Variants in AFF3 observed in about 807,000 individuals in gnomAD.
AFF3 encodes the protein AF4/FMR2 family member 3.
AFF3 carries 32 observed loss-of-function variants against 129.7 expected under a neutral mutation model. That is an observed-to-expected ratio of 0.25 (90% CI 0.19 to 0.33). The LOEUF (loss-of-function observed/expected upper bound fraction) is 0.33. Among genes scored for constraint, AFF3 ranks in the 10% least tolerant of loss-of-function variants. The probability of loss-of-function intolerance (pLI) is 1.00; values close to 1 mark genes in which losing one functional copy is unlikely to be tolerated. For synonymous variants in AFF3, 644 were observed against 635.4 expected (o/e 1.01, Z -0.20); for missense variants, 1,373 against 1,592.0 (o/e 0.86, Z 2.34).
At chr2:100,061,854 TG>T (rs869209436) in intron 4 of AFF3, among the ~76,000 whole-genome samples, 2 of 75,722 alleles carry the variant, frequency 2.6e-5, no homozygotes, top group Admixed American at 1.2e-4. Context: ...GGTAGCACAG[TG>T]GAGGGGGGGG....
chr2:99,805,419 G>A (rs1053023823), intron 8 of AFF3, among the ~76,000 whole-genome samples: 1 of 152,120 alleles, frequency 6.6e-6, no homozygotes, highest in Non-Finnish European at 1.5e-5. Context: ...TGACAAATCA[G>A]ATGTGTTCTC....
At chr2:99,674,728 T>C (rs948361948) in intron 11 of AFF3, among the ~76,000 whole-genome samples, 13 of 152,128 alleles carry the variant, frequency 8.5e-5, no homozygotes, top group African/African-American at 2.9e-4. Flanking sequence ...TGGACAATAC[T>C]GTGCGTGGAT....
intron 4 of AFF3, among the ~76,000 whole-genome samples, chr2:100,048,074 T>C (rs188694888): frequency 1.5e-3 from 235 of 152,348 alleles, no homozygotes; most frequent in South Asian, 6.0e-3. Context: ...ATGGCACCAG[T>C]AAATATCACG....
chr2:100,128,456 G>T (rs970370066), intron 2 of AFF3, among the ~76,000 whole-genome samples: 1 of 152,234 alleles, frequency 6.6e-6, no homozygotes, highest in South Asian at 2.1e-4. Flanking sequence ...TTTTTCTGTG[G>T]TTGGTTAAGG....
chr2:100,063,080 G>A (rs765939580), intron 4 of AFF3, among the ~76,000 whole-genome samples: 17 of 151,806 alleles, frequency 1.1e-4, no homozygotes, highest in South Asian at 6.2e-4. Flanking sequence ...GTGAAACCCC[G>A]TCTCTACTAA....
At chr2:100,105,305 G>T in intron 3 of AFF3, 199 bp downstream of exon 3, 1 of 1,194,496 alleles carries the variant, frequency 8.4e-7, no homozygotes, top group Non-Finnish European at 1.1e-6. Context: ...AGAGTGAGCT[G>T]TGCCGCCCGC....
At chr2:99,972,901 C>T (rs186861608) in intron 7 of AFF3, among the ~76,000 whole-genome samples, 15 of 152,280 alleles carry the variant, frequency 9.9e-5, no homozygotes, top group African/African-American at 2.9e-4. Context: ...AGGTACGCTG[C>T]GTTGCTTTCT....
chr2:99,971,615 G>T (rs116522188), intron 7 of AFF3, among the ~76,000 whole-genome samples: 1,991 of 152,272 alleles, frequency 0.013, 54 homozygotes, highest in African/African-American at 0.046. Context: ...TTCACACTGT[G>T]CAGTCCACTG....
chr2:100,132,069 G>C (rs1692448270), intron 1 of AFF3, among the ~76,000 whole-genome samples: 1 of 152,172 alleles, frequency 6.6e-6, no homozygotes, highest in African/African-American at 2.4e-5. Flanking sequence ...TGGAGAATTG[G>C]TTCCCCATCT....
intron 8 of AFF3, among the ~76,000 whole-genome samples, chr2:99,788,572 A>G (rs961286663): frequency 6.6e-6 from 1 of 152,274 alleles, no homozygotes; most frequent in Admixed American, 6.5e-5. Flanking sequence ...TTATTACAAA[A>G]GAGTCAAAAA....
chr2:99,750,869 C>T (rs536846351), intron 9 of AFF3, among the ~76,000 whole-genome samples: 11 of 152,194 alleles, frequency 7.2e-5, no homozygotes, highest in African/African-American at 2.2e-4. Context: ...ATCTCAGTGT[C>T]CACTGAAAGG....
At position 99,908,531 on chromosome 2, in the gene AFF3, G is replaced by A. The variant is rs370374305; in HGVS notation, c.874-71007C>T. On this transcript the variant is annotated intron_variant, in intron 7 of 24. Coordinates refer to ENST00000672756, the MANE Select transcript of AFF3 (RefSeq NM_001386135.1). ...CAGCAAAAGAAACCACCATCAGAGT[G>A]AACAGGCAACCTACAGAATGGGAGA... Among the ~76,000 whole-genome samples the A allele has an allele frequency of 2.7e-3, 418 of 152,226 alleles. 1 individual carries two copies. Among genetic ancestry groups the A allele is most frequent in the Middle Eastern group, 0.01 (3 of 294 alleles).
In AFF3 at chr2:100,071,464, C is replaced by A. The variant is rs967929141; in HGVS notation, c.53+32938G>T. Among the ~76,000 whole-genome samples the A allele has an allele frequency of 6.6e-5, 10 of 152,262 alleles. No individual in the cohort carries two copies. The East Asian group carries it at 1.9e-3, about 29-fold the overall frequency. On this transcript the variant is annotated intron_variant, in intron 4 of 24. Coordinates refer to ENST00000672756, the MANE Select transcript of AFF3 (RefSeq NM_001386135.1). Reference sequence around the variant, plus strand: ...GATGACTCCATGATGCCATACTTGACAAACACGGACTTAGATCTGAAAAAC... The same window carrying A: ...GATGACTCCATGATGCCATACTTGAAAAACACGGACTTAGATCTGAAAAAC...
At chr2:99,813,277 A>G (rs1686938722) in intron 8 of AFF3, among the ~76,000 whole-genome samples, 1 of 152,202 alleles carries the variant, frequency 6.6e-6, no homozygotes. Flanking sequence ...GCTCAATCAC[A>G]CTGCCATGTT....
intron 7 of AFF3, among the ~76,000 whole-genome samples, chr2:99,987,445 C>T (rs957523607): frequency 2.0e-5 from 3 of 152,192 alleles, no homozygotes; most frequent in Non-Finnish European, 2.9e-5. Flanking sequence ...TCCACAGACC[C>T]TCCTGTAATG....
intron 8 of AFF3, among the ~76,000 whole-genome samples, chr2:99,810,445 T>C (rs1264681765): frequency 2.6e-5 from 4 of 152,256 alleles, no homozygotes; most frequent in Non-Finnish European, 4.4e-5. Context: ...AATAAACCTA[T>C]TGCTTACTTA....
chr2:99,822,221 C>T (rs1687743173), intron 8 of AFF3, among the ~76,000 whole-genome samples: 2 of 151,790 alleles, frequency 1.3e-5, no homozygotes, highest in South Asian at 4.1e-4. Context: ...TCACGCAATA[C>T]TGACTTAATG....
intron 4 of AFF3, among the ~76,000 whole-genome samples, chr2:100,029,062 T>C (rs1356951357): frequency 1.3e-5 from 2 of 152,138 alleles, no homozygotes; most frequent in African/African-American, 2.4e-5. Flanking sequence ...TGCACACTCA[T>C]AGAATGGAAT....
intron 18 of AFF3, among the ~76,000 whole-genome samples, chr2:99,573,244 A>T (rs954035017): frequency 6.6e-6 from 1 of 151,130 alleles, no homozygotes; most frequent in African/African-American, 2.5e-5. Context: ...ACCCCTTTGC[A>T]AATCCTACTT....
Sources: gnomAD v4.1 joint callset for allele counts (sites outside exome capture counted in the v4.1 genomes callset) on GRCh38, gnomAD v4.1.1 for gene constraint, MANE v1.5 for transcripts, NCBI Gene and HGNC (gene_info 2026-07-23, HGNC 2026-07-21) for gene names.